The following KLHL14 variants were observed in gnomAD, a reference collection of about 807,000 sequenced individuals.
The protein encoded by KLHL14 is kelch-like protein 14.
In KLHL14, 22 loss-of-function variants were observed where a neutral mutation model predicts 64.3. That is an observed-to-expected ratio of 0.34 (90% CI 0.24 to 0.49). KLHL14 has a LOEUF of 0.49. Among genes scored for constraint, KLHL14 ranks in the 20% least tolerant of loss-of-function variants. The probability of loss-of-function intolerance (pLI) is 0.99; values close to 1 mark genes in which losing one functional copy is unlikely to be tolerated. For missense variants in KLHL14, 661 were observed against 789.0 expected (o/e 0.84, Z 1.94); for synonymous variants, 322 against 333.4 (o/e 0.97, Z 0.37).
At chr18:32,707,575 C>A (rs1317680030) in intron 3 of KLHL14, among the ~76,000 whole-genome samples, 1 of 152,220 alleles carries the variant, frequency 6.6e-6, no homozygotes, top group African/African-American at 2.4e-5. Flanking sequence ...ACTTCCTTTT[C>A]TTCTGGTAGC....
At chr18:32,772,061 C>A in intron 1 of KLHL14, 1 of 284,478 alleles carries the variant, frequency 3.5e-6, no homozygotes, top group Non-Finnish European at 7.0e-6. Context: ...CAGGGCTGAG[C>A]AGAAAGGGAC....
chr18:32,767,418 G>T (rs1323290380), intron 2 of KLHL14, among the ~76,000 whole-genome samples: 1 of 152,178 alleles, frequency 6.6e-6, no homozygotes, highest in Non-Finnish European at 1.5e-5. Flanking sequence ...TCAATGATAG[G>T]TTCGCATGAA....
intron 4 of KLHL14, among the ~76,000 whole-genome samples, chr18:32,692,211 GGTC>G (rs1368836916): frequency 6.6e-6 from 1 of 152,020 alleles, no homozygotes; most frequent in African/African-American, 2.4e-5. Flanking sequence ...TTCAAACTGT[GGTC>G]ATCAATAGAT....
chr18:32,727,579 C>T (rs1323281330), intron 3 of KLHL14, among the ~76,000 whole-genome samples: 1 of 152,136 alleles, frequency 6.6e-6, no homozygotes. Flanking sequence ...CACATATGTC[C>T]TTTCATTATT....
intron 3 of KLHL14, among the ~76,000 whole-genome samples, chr18:32,727,040 G>A (rs2050111563): frequency 6.6e-6 from 1 of 152,216 alleles, no homozygotes; most frequent in Non-Finnish European, 1.5e-5. Context: ...TATATGGGAA[G>A]GCAGCTGAGC....
At chr18:32,729,113 G>A (rs9958052) in intron 3 of KLHL14, among the ~76,000 whole-genome samples, 6,314 of 152,230 alleles carry the variant, frequency 0.041, 408 homozygotes, top group African/African-American at 0.14. Context: ...GAGAAAATGA[G>A]AAGCCAAAAG....
At chr18:32,740,733 C>A (rs1448148646) in intron 3 of KLHL14, 1 of 152,062 alleles carries the variant, frequency 6.6e-6, no homozygotes, top group Non-Finnish European at 1.5e-5. Flanking sequence ...ATTTTTCTTT[C>A]TTTCTTCTCC....
intron 2 of KLHL14, among the ~76,000 whole-genome samples, 195 bp from the exon 3 acceptor site, chr18:32,742,244 C>T (rs2050202909): frequency 6.6e-6 from 1 of 152,130 alleles, no homozygotes; most frequent in African/African-American, 2.4e-5. Context: ...CTGCACATCC[C>T]CATACTCATA....
chr18:32,701,110 C>T (rs1048589054), intron 3 of KLHL14, among the ~76,000 whole-genome samples: 12 of 152,124 alleles, frequency 7.9e-5, no homozygotes, highest in Non-Finnish European at 1.8e-4. Flanking sequence ...AGTGACTGCA[C>T]AGTATTCCAT....
intron 5 of KLHL14, among the ~76,000 whole-genome samples, chr18:32,685,912 G>A (rs1478080232): frequency 6.6e-6 from 1 of 152,038 alleles, no homozygotes; most frequent in Non-Finnish European, 1.5e-5. Flanking sequence ...TAATCTCAGG[G>A]TAATCTACTT....
chr18:32,689,614 T>C (rs1385926263), intron 4 of KLHL14, among the ~76,000 whole-genome samples: 3 of 152,260 alleles, frequency 2.0e-5, no homozygotes, highest in East Asian at 1.9e-4. Flanking sequence ...AAGAAGATTA[T>C]AGCTGGAGGA....
In KLHL14 at chr18:32,677,282, C is replaced by A; in HGVS notation, c.1637G>T (p.Gly546Val). ...AGTTTGGAGTATATTCCACTGGTCA[C>A]CTTTTGGGTCATAGCATTCCACAAG... Reference protein sequence around the residue: ...VMLVECYDPKGDQWNILQTPI... With the variant: ...VMLVECYDPKVDQWNILQTPI... Residue 546 changes from glycine (G) to valine (V), a missense_variant, in exon 8 of 9, where the codon GGT becomes GTT. By Grantham distance (109) the Gly-to-Val change is moderately radical. Transcript: ENST00000359358. 5 of 1,613,578 alleles carry A rather than the reference C, an allele frequency of 3.1e-6. No homozygotes were observed. The highest frequency in any genetic ancestry group is 4.2e-6 in the Non-Finnish European group (5 of 1,179,662).
At chr18:32,703,332 T>G (rs1409295988) in intron 3 of KLHL14, among the ~76,000 whole-genome samples, 2 of 152,122 alleles carry the variant, frequency 1.3e-5, no homozygotes, top group East Asian at 1.9e-4. Context: ...ATGGAATTTA[T>G]TTTTTTGGAA....
chr18:32,764,545 G>A (rs772152249), intron 2 of KLHL14, among the ~76,000 whole-genome samples: 2 of 152,038 alleles, frequency 1.3e-5, no homozygotes, highest in African/African-American at 2.4e-5. Context: ...TTGGCAAACC[G>A]TGGCTCACAG....
chr18:32,723,311 T>C (rs924981938), intron 3 of KLHL14, among the ~76,000 whole-genome samples: 1 of 152,206 alleles, frequency 6.6e-6, no homozygotes, highest in African/African-American at 2.4e-5. Flanking sequence ...CTGGCATCTT[T>C]TGATTTTGAC....
intron 3 of KLHL14, among the ~76,000 whole-genome samples, chr18:32,729,244 G>A (rs1401124095): frequency 6.6e-6 from 1 of 152,178 alleles, no homozygotes; most frequent in Non-Finnish European, 1.5e-5. Flanking sequence ...GGAGGGTGAG[G>A]ATGGCAGGCA....
At chr18:32,749,626 C>T (rs1161242109) in intron 2 of KLHL14, among the ~76,000 whole-genome samples, 1 of 152,136 alleles carries the variant, frequency 6.6e-6, no homozygotes, top group Non-Finnish European at 1.5e-5. Flanking sequence ...TTGATACTTT[C>T]AACATAATCC....
chr18:32,705,591 C>G (rs2049986289), intron 3 of KLHL14, among the ~76,000 whole-genome samples: 1 of 152,096 alleles, frequency 6.6e-6, no homozygotes, highest in African/African-American at 2.4e-5. Flanking sequence ...GATGTGGTGG[C>G]TCATGCCTGT....
intron 2 of KLHL14, among the ~76,000 whole-genome samples, chr18:32,765,907 T>G (rs2050340581): frequency 6.6e-6 from 1 of 152,138 alleles, no homozygotes; most frequent in South Asian, 2.1e-4. Flanking sequence ...CTGTTGTTTA[T>G]AAAATATAAT....
Sources: allele counts gnomAD v4.1 joint callset (sites outside exome capture counted in the v4.1 genomes callset), GRCh38; gene constraint gnomAD v4.1.1; transcripts MANE v1.5; gene names NCBI Gene and HGNC (gene_info 2026-07-23, HGNC 2026-07-21).